Variants in MGAT4C observed in about 807,000 individuals in gnomAD.
The protein encoded by MGAT4C is MGAT4 family member C.
A neutral mutation model predicts 40.1 loss-of-function variants in MGAT4C; 19 were observed. That is an observed-to-expected ratio of 0.47 (90% CI 0.33 to 0.70). The LOEUF (loss-of-function observed/expected upper bound fraction) is 0.70, where lower values mean the gene tolerates loss of function less well. Among genes scored for constraint, MGAT4C ranks in the 30% least tolerant of loss-of-function variants. The pLI is 0.02. For missense variants in MGAT4C, 491 were observed against 563.2 expected (o/e 0.87, Z 1.30); for synonymous variants, 181 against 187.1 (o/e 0.97, Z 0.27).
intron 1 of MGAT4C, among the ~76,000 whole-genome samples, chr12:86,186,265 TA>T (rs147505074): frequency 6.6e-6 from 1 of 152,248 alleles, no homozygotes; most frequent in East Asian, 1.9e-4. Context: ...GCAGGTATTA[TA>T]AACAATGAAC....
intron 1 of MGAT4C, among the ~76,000 whole-genome samples, chr12:86,793,091 T>C (rs1365323400): frequency 2.0e-5 from 3 of 152,240 alleles, no homozygotes; most frequent in Non-Finnish European, 4.4e-5. Flanking sequence ...GAAAATACTA[T>C]CTCATCTCAC....
chr12:86,207,818 A>G (rs77024459), intron 1 of MGAT4C, among the ~76,000 whole-genome samples: 2,269 of 152,318 alleles, frequency 0.015, 32 homozygotes, highest in African/African-American at 0.035. Context: ...GAATTAATGA[A>G]CATTTGCAAT....
chr12:86,135,107 T>C (rs1197440179), intron 1 of MGAT4C, among the ~76,000 whole-genome samples: 1 of 152,146 alleles, frequency 6.6e-6, no homozygotes, highest in African/African-American at 2.4e-5. Flanking sequence ...ATATCACATA[T>C]ATATTGCTCA....
At chr12:86,155,877 C>G (rs839128) in intron 1 of MGAT4C, among the ~76,000 whole-genome samples, 121,429 of 152,020 alleles carry the variant, frequency 0.8, 48,946 homozygotes, top group East Asian at 1. Flanking sequence ...TTTCTATTAA[C>G]TAGGCCATTT....
intron 2 of MGAT4C, among the ~76,000 whole-genome samples, chr12:86,473,246 T>C (rs1256521145): frequency 6.6e-6 from 1 of 152,090 alleles, no homozygotes; most frequent in Non-Finnish European, 1.5e-5. Context: ...CATGAGCCAC[T>C]GCACCGGGCC....
intron 2 of MGAT4C, among the ~76,000 whole-genome samples, chr12:86,454,402 A>AT (rs1004999751): frequency 4.0e-5 from 6 of 151,878 alleles, no homozygotes; most frequent in African/African-American, 7.3e-5. Context: ...TAATTTTTGT[A>AT]TTTTTTGTAG....
intron 2 of MGAT4C, among the ~76,000 whole-genome samples, chr12:86,571,625 G>A (rs967712119): frequency 2.0e-5 from 3 of 152,054 alleles, no homozygotes; most frequent in Admixed American, 6.6e-5. Context: ...GTATGTGTGT[G>A]CACGTGCATA....
chr12:86,675,286 C>T (rs948777705), intron 2 of MGAT4C, among the ~76,000 whole-genome samples: 3 of 152,160 alleles, frequency 2.0e-5, no homozygotes, highest in African/African-American at 7.2e-5. Flanking sequence ...GAAGACTACT[C>T]TCTCTTCGTA....
chr12:85,983,952 G>T (rs1168623692), intron 3 of MGAT4C, among the ~76,000 whole-genome samples: 1 of 152,014 alleles, frequency 6.6e-6, no homozygotes, highest in Non-Finnish European at 1.5e-5. Context: ...CTTAAAAAAA[G>T]AATTTCTACA....
At chr12:86,215,864 CT>C (rs1950652146) in intron 1 of MGAT4C, among the ~76,000 whole-genome samples, 2 of 151,898 alleles carry the variant, frequency 1.3e-5, no homozygotes, top group South Asian at 4.2e-4. Flanking sequence ...TCCTTGTTAT[CT>C]TGCAGTAACT....
At chr12:86,564,975 A>T (rs1960027248) in intron 2 of MGAT4C, among the ~76,000 whole-genome samples, 2 of 152,116 alleles carry the variant, frequency 1.3e-5, no homozygotes, top group South Asian at 2.1e-4. Flanking sequence ...CCCATAGGTG[A>T]ATTACAGCAG....
chr12:86,203,796 A>G (rs61948999), intron 1 of MGAT4C, among the ~76,000 whole-genome samples: 12,384 of 151,272 alleles, frequency 0.082, 602 homozygotes, highest in Middle Eastern at 0.22. Context: ...CGTCTCTACT[A>G]CCAATACAAA....
At chr12:86,575,235 T>C (rs1278260593) in intron 2 of MGAT4C, among the ~76,000 whole-genome samples, 1 of 110,058 alleles carries the variant, frequency 9.1e-6, no homozygotes. Context: ...CCAATTGCAT[T>C]CTTTATTTTA....
At chr12:86,664,108 T>C (rs560759802) in intron 2 of MGAT4C, among the ~76,000 whole-genome samples, 1 of 152,094 alleles carries the variant, frequency 6.6e-6, no homozygotes, top group East Asian at 1.9e-4. Context: ...TGAACACTGT[T>C]TATCATCTGG....
At chr12:86,384,375 A>C (rs1956013619) in intron 3 of MGAT4C, among the ~76,000 whole-genome samples, 2 of 152,170 alleles carry the variant, frequency 1.3e-5, no homozygotes, top group Non-Finnish European at 2.9e-5. Flanking sequence ...TTGACAGTGG[A>C]AATATAGACT....
At chr12:86,153,225 C>T (rs1407233406) in intron 1 of MGAT4C, among the ~76,000 whole-genome samples, 1 of 152,156 alleles carries the variant, frequency 6.6e-6, no homozygotes, top group Non-Finnish European at 1.5e-5. Context: ...AATTCTCCTA[C>T]TCCTGGAGGA....
intron 2 of MGAT4C, among the ~76,000 whole-genome samples, chr12:86,600,920 G>A (rs1449267828): frequency 6.6e-6 from 1 of 152,258 alleles, no homozygotes; most frequent in Non-Finnish European, 1.5e-5. Context: ...CCCAGTGCCT[G>A]CTCTGCAGTG....
rs114903783 is a variant in MGAT4C at position 85,979,819 on chromosome 12, G to A, written c.907C>T (p.Arg303Cys). The A allele has an allele frequency of 3.1e-6, 5 of 1,613,588 alleles. No individual in the cohort carries two copies. The highest frequency in any genetic ancestry group is 1.3e-5 in the African/African-American group (1 of 74,964). ...RGLLAQKNVI[R>C]FKPSLFQHMG... The stretch of plus-strand genomic sequence containing the variant: ...TGCTGAAAGAGAGATGGTTTAAAAC[G>A]GATCACATTTTTCTGAGCCAACAGA... The change falls in exon 5 of 5, where the codon CGT becomes TGT. Residue 303 changes from arginine (R) to cysteine (C), a missense_variant. By Grantham distance (180) the Arg-to-Cys change is radical. Coordinates refer to ENST00000611864, the MANE Select transcript of MGAT4C (RefSeq NM_001351288.2).
intron 1 of MGAT4C, among the ~76,000 whole-genome samples, chr12:86,804,630 G>T (rs1014120961): frequency 4.6e-5 from 7 of 151,814 alleles, no homozygotes; most frequent in Admixed American, 3.3e-4. Context: ...CACTTCATAA[G>T]TATTTTTCAT....
Sources: gnomAD v4.1 joint callset for allele counts (sites outside exome capture counted in the v4.1 genomes callset) on GRCh38, gnomAD v4.1.1 for gene constraint, MANE v1.5 for transcripts, NCBI Gene and HGNC (gene_info 2026-07-23, HGNC 2026-07-21) for gene names.